Variants in SRPK2 observed in about 807,000 individuals in gnomAD.
The protein encoded by SRPK2 is SRSF protein kinase 2, also known as SFRS protein kinase 2.
A neutral mutation model predicts 90.8 loss-of-function variants in SRPK2; 21 were observed. That is an observed-to-expected ratio of 0.23 (90% CI 0.16 to 0.33). The LOEUF (loss-of-function observed/expected upper bound fraction) is 0.33, where lower values mean the gene tolerates loss of function less well. Among genes scored for constraint, SRPK2 ranks in the 10% least tolerant of loss-of-function variants. The pLI is 1.00. For synonymous variants in SRPK2, 288 were observed against 311.1 expected (o/e 0.93, Z 0.78); for missense variants, 620 against 869.0 (o/e 0.71, Z 3.60).
At chr7:105,355,112 G>A (rs1042254606) in intron 2 of SRPK2, among the ~76,000 whole-genome samples, 8 of 152,160 alleles carry the variant, frequency 5.3e-5, no homozygotes, top group African/African-American at 1.9e-4. Context: ...TCCATTGTAA[G>A]GATATGCTAC....
At chr7:105,179,694 G>C (rs965102165) in intron 3 of SRPK2, among the ~76,000 whole-genome samples, 1 of 151,616 alleles carries the variant, frequency 6.6e-6, no homozygotes, top group East Asian at 1.9e-4. Flanking sequence ...GTGTGGTGGC[G>C]CATGCCTTTA....
intron 3 of SRPK2, among the ~76,000 whole-genome samples, chr7:105,195,380 T>C (rs573760889): frequency 6.6e-6 from 1 of 152,238 alleles, no homozygotes; most frequent in South Asian, 2.1e-4. Context: ...AGAGGAGAGA[T>C]TATAACACCA....
chr7:105,123,351 C>T (rs557274104), intron 15 of SRPK2, among the ~76,000 whole-genome samples: 110 of 152,298 alleles, frequency 7.2e-4, no homozygotes, highest in Non-Finnish European at 1.4e-3. Context: ...ACAGACCCCA[C>T]TCTTCTCTGG....
chr7:105,373,786 T>TA (rs923084729), intron 2 of SRPK2, among the ~76,000 whole-genome samples: 3 of 152,138 alleles, frequency 2.0e-5, no homozygotes, highest in African/African-American at 4.8e-5. Context: ...CTTACTGTCG[T>TA]AAGTGCTTTA....
intron 2 of SRPK2, among the ~76,000 whole-genome samples, chr7:105,348,425 C>CTTT (rs1198801071): frequency 1.7e-5 from 2 of 117,588 alleles, no homozygotes; most frequent in East Asian, 2.5e-4. Flanking sequence ...TTTTTTCTTT[C>CTTT]TTTTTTTTTT....
rs1821988511 is a variant in SRPK2 at position 105,388,867 on chromosome 7, C to G, written c.-61G>C. 6.1e-6 allele frequency: 8 copies of G among 1,306,326 alleles called. No homozygotes were observed. In the East Asian group the frequency reaches 2.2e-4, roughly 36 times the overall value. 80.9% of individuals were successfully genotyped at this position (1,306,326 alleles called of 1,614,324 possible). On this transcript the variant is annotated 5_prime_UTR_variant, in exon 1 of 16. Transcript: ENST00000393651. The stretch of plus-strand genomic sequence containing the variant: ...ACGGCGACGCGGGCGCCGAGACGAG[C>G]TGGGCTGCAGCCTCCACTCGCTCCG...
intron 2 of SRPK2, among the ~76,000 whole-genome samples, chr7:105,265,832 T>C (rs746296899): frequency 1.4e-4 from 21 of 152,022 alleles, no homozygotes; most frequent in Non-Finnish European, 2.5e-4. Context: ...GTAACTATTA[T>C]ATACATCATT....
intron 2 of SRPK2, among the ~76,000 whole-genome samples, chr7:105,266,933 G>C (rs1056845381): frequency 6.6e-6 from 1 of 152,082 alleles, no homozygotes. Context: ...CTACATTAAC[G>C]AAACAACTTC....
At chr7:105,348,525 G>C (rs1013813810) in intron 2 of SRPK2, among the ~76,000 whole-genome samples, 11 of 150,242 alleles carry the variant, frequency 7.3e-5, no homozygotes, top group Non-Finnish European at 1.5e-4. Context: ...CATGGTTCAA[G>C]CGATTCTCCC....
chr7:105,143,160 G>A lies in SRPK2; in HGVS notation c.984C>T (p.Gly328=), dbSNP rs752473210. 44 of 1,614,004 alleles carry A rather than the reference G, an allele frequency of 2.7e-5. No homozygotes were observed. Among genetic ancestry groups the A allele is most frequent in the East Asian group, 8.9e-5 (4 of 44,886 alleles). ...TTAGTTTCACCTCTGGGCAGTATTC[G>A]CCATCCTGGTCATTGGAAGGTGCAG... The part of the protein sequence containing the change: ...TSAAPSNDQD[G]EYCPEVKLKT... The change falls in exon 10 of 16, where the codon GGC becomes GGT. Residue 328 remains glycine (G), a synonymous_variant. Transcript: ENST00000393651.
chr7:105,288,455 G>A (rs1265553840), intron 2 of SRPK2, among the ~76,000 whole-genome samples: 1 of 151,966 alleles, frequency 6.6e-6, no homozygotes, highest in Non-Finnish European at 1.5e-5. Flanking sequence ...TTAGCTGGGC[G>A]TGGTGGCGGG....
intron 2 of SRPK2, among the ~76,000 whole-genome samples, chr7:105,311,963 C>G (rs1322634190): frequency 1.3e-5 from 2 of 152,176 alleles, no homozygotes; most frequent in East Asian, 3.9e-4. Flanking sequence ...CAAATGCCAT[C>G]AATGGGTGAG....
intron 2 of SRPK2, among the ~76,000 whole-genome samples, chr7:105,219,054 C>T (rs1049941378): frequency 6.6e-6 from 1 of 152,022 alleles, no homozygotes; most frequent in Non-Finnish European, 1.5e-5. Flanking sequence ...ACCCTGGGAC[C>T]ACAAGAGCTT....
intron 2 of SRPK2, among the ~76,000 whole-genome samples, chr7:105,334,256 A>G (rs1814790574): frequency 6.6e-6 from 1 of 152,106 alleles, no homozygotes; most frequent in Non-Finnish European, 1.5e-5. Context: ...TAATGTTTGT[A>G]TTTTTAGTAG....
At chr7:105,169,739 T>C (rs188870269) in intron 3 of SRPK2, among the ~76,000 whole-genome samples, 2 of 152,286 alleles carry the variant, frequency 1.3e-5, no homozygotes, top group East Asian at 3.9e-4. Context: ...TGAATTCCTA[T>C]TAGACTTCTT....
intron 2 of SRPK2, among the ~76,000 whole-genome samples, chr7:105,383,810 A>G (rs1821231988): frequency 6.6e-6 from 1 of 152,242 alleles, no homozygotes. Flanking sequence ...TTAAGTACTA[A>G]TACGTGCCAT....
At chr7:105,157,271 T>A (rs1362241732) in intron 7 of SRPK2, among the ~76,000 whole-genome samples, 3 of 152,182 alleles carry the variant, frequency 2.0e-5, no homozygotes, top group African/African-American at 7.2e-5. Flanking sequence ...GGAGAATGAC[T>A]GGAACATGGT....
chr7:105,311,231 T>C (rs1711537788), intron 2 of SRPK2, among the ~76,000 whole-genome samples: 1 of 152,006 alleles, frequency 6.6e-6, no homozygotes, highest in African/African-American at 2.4e-5. Context: ...AAGCAAATAA[T>C]TTCTTTCTTA....
intron 14 of SRPK2, 81 bp downstream of exon 14, chr7:105,126,912 G>C (rs1801293723): frequency 8.6e-6 from 12 of 1,387,338 alleles, no homozygotes; most frequent in Admixed American, 5.8e-5. Flanking sequence ...CTCTATTTCA[G>C]TACAAAAATA....
Sources: allele counts gnomAD v4.1 joint callset (sites outside exome capture counted in the v4.1 genomes callset), GRCh38; gene constraint gnomAD v4.1.1; transcripts MANE v1.5; gene names NCBI Gene and HGNC (gene_info 2026-07-23, HGNC 2026-07-21).